The following TSN variants were observed in gnomAD, a reference collection of about 807,000 sequenced individuals.
The protein encoded by TSN is component 3 of promoter of RISC.
Under a neutral mutation model 29.4 loss-of-function variants are expected in TSN, and 5 were observed. The ratio of observed to expected loss-of-function variants is 0.17; its 90% CI spans 0.09 to 0.36. The LOEUF is 0.36. Among genes scored for constraint, TSN ranks in the 10% least tolerant of loss-of-function variants. TSN has a pLI of 1.00. For missense variants in TSN, 159 were observed against 272.8 expected, an observed-to-expected ratio of 0.58 and a Z score of 2.94; for synonymous variants, 106 against 102.2, an observed-to-expected ratio of 1.04 and a Z score of -0.23.
chr2:121,759,224 C>T (rs1204718090), intron 3 of TSN, among the ~76,000 whole-genome samples: 1 of 152,132 alleles, frequency 6.6e-6, no homozygotes, highest in Non-Finnish European at 1.5e-5. Flanking sequence ...ATATTTTATG[C>T]CATGTTTTCT....
Position 121,767,254 on chromosome 2 carries a change from CTTG to C in TSN, c.*1892_*1894del, listed in dbSNP as rs1433815251. ...ACTATTCAGTTGTGTTTGTTGCTGG[CTTG>C]TTGTAAAGCAATAAAATTTTTTTGG... is the stretch of plus-strand genomic sequence containing the variant. On this transcript the variant is annotated 3_prime_UTR_variant, in exon 6 of 6. Transcript: ENST00000389682. 3 of 152,116 alleles carry C rather than the reference CTTG, an allele frequency of 2.0e-5. No homozygotes were observed. Among genetic ancestry groups the C allele is most frequent in the African/African-American group, 7.2e-5 (3 of 41,416 alleles). 9.4% of individuals were successfully genotyped at this position (152,116 alleles called of 1,614,324 possible). A position where few individuals can be genotyped will look rare whatever the true frequency, so the allele number is the denominator to read the frequency against.
chr2:121,756,588 A>C (rs1040544192), intron 1 of TSN: 8 of 1,281,552 alleles, frequency 6.2e-6, no homozygotes, highest in Non-Finnish European at 8.2e-6. Flanking sequence ...CTCGCACATA[A>C]GTATGCTCAG....
intron 4 of TSN, 132 bp downstream of exon 4, chr2:121,761,656 A>G: frequency 1.4e-6 from 1 of 693,392 alleles, no homozygotes; most frequent in South Asian, 1.7e-5. Context: ...GTAGCTTGGT[A>G]TCTGAGGATG....
At position 121,766,837 on chromosome 2, in the gene TSN, G is replaced by A. The variant is rs868710182; in HGVS notation, c.*1470G>A. The A allele has an allele frequency of 6.6e-6, 1 of 152,152 alleles. No individual in the cohort carries two copies. The highest frequency in any genetic ancestry group is 2.4e-5 in the African/African-American group (1 of 41,430). The allele number at this position is 152,152 out of a possible 1,614,324, so 9.4% of individuals were successfully genotyped here. ...GCATACCTTTCACAGCTTTTATCAG[G>A]CCAAGTTAAAGGCTGACTACATTTT... On this transcript the variant is annotated 3_prime_UTR_variant, in exon 6 of 6. Coordinates refer to ENST00000389682, the MANE Select transcript of TSN (RefSeq NM_004622.3).
At chr2:121,759,753 A>T (rs999256111) in intron 3 of TSN, among the ~76,000 whole-genome samples, 3 of 152,230 alleles carry the variant, frequency 2.0e-5, no homozygotes, top group Non-Finnish European at 4.4e-5. Context: ...AGACGTATAT[A>T]TCAGCAGTAA....
chr2:121,756,770 A>T, intron 1 of TSN: 1 of 439,008 alleles, frequency 2.3e-6, no homozygotes. Flanking sequence ...TTAACTGGGC[A>T]TGGTTGCGCA....
In TSN at chr2:121,765,468, A is replaced by G. The variant is rs939828991; in HGVS notation, c.*101A>G. The G allele has an allele frequency of 5.7e-6, 6 of 1,056,726 alleles. No homozygotes were observed. The highest frequency in any genetic ancestry group is 4.8e-5 in the African/African-American group (3 of 62,932). The allele number at this position is 1,056,726 out of a possible 1,614,324, so 65.5% of individuals were successfully genotyped here. ...TAGTTAGGATGCTCAGTTGCTAAAC[A>G]CTGCGCTTTATTTTCTTAACCAGTT... On this transcript the variant is annotated 3_prime_UTR_variant, in exon 6 of 6. Transcript: ENST00000389682.
intron 5 of TSN, 150 bp from the exon 6 acceptor site, chr2:121,764,984 C>A: frequency 1.4e-6 from 1 of 710,338 alleles, no homozygotes; most frequent in Non-Finnish European, 2.4e-6. Context: ...TTCAGAGAAG[C>A]TCCTGTCTTG....
rs566760156 is a variant in TSN, at chr2:121,763,685, A to G, written c.453+601A>G. 2.6e-5 allele frequency among the ~76,000 whole-genome samples: 4 copies of G among 152,298 alleles called. No homozygotes were observed. The South Asian group carries it at 8.3e-4, about 32-fold the overall frequency. On this transcript the variant is annotated intron_variant, in intron 5 of 5. Transcript: ENST00000389682. Reference sequence around the variant, plus strand: ...ATTTATTCCTGGTAACTGTTAATCCATGTAATTGTTTTGGACACTCATTTG... The same window carrying G: ...ATTTATTCCTGGTAACTGTTAATCCGTGTAATTGTTTTGGACACTCATTTG...
At chr2:121,763,228 C>T (rs951939246) in intron 5 of TSN, 144 bp downstream of exon 5, 78 of 551,136 alleles carry the variant, frequency 1.4e-4, no homozygotes, top group Non-Finnish European at 2.0e-4. Context: ...CTGCAAGCTC[C>T]GCCTCCCGAG....
chr2:121,763,487 T>C (rs1306871583), intron 5 of TSN, among the ~76,000 whole-genome samples: 1 of 152,116 alleles, frequency 6.6e-6, no homozygotes, highest in Non-Finnish European at 1.5e-5. Flanking sequence ...CAGAACGTCT[T>C]AATTCTTTTC....
At chr2:121,764,786 G>C (rs2074880474) in intron 5 of TSN, among the ~76,000 whole-genome samples, 1 of 152,216 alleles carries the variant, frequency 6.6e-6, no homozygotes, top group African/African-American at 2.4e-5. Flanking sequence ...GGTTGGAAGA[G>C]GTAGTGGAGC....
At position 121,766,324 on chromosome 2, in the gene TSN, C is replaced by A. The variant is rs1558694494; in HGVS notation, c.*957C>A. 1.3e-5 allele frequency: 2 copies of A among 152,170 alleles called. No homozygotes were observed. Among genetic ancestry groups the A allele is most frequent in the Non-Finnish European group, 2.9e-5 (2 of 68,036 alleles). The allele number at this position is 152,170 out of a possible 1,614,324, so 9.4% of individuals were successfully genotyped here. ...AATAGTGAATTATAAATAAGTCAGG[C>A]CGGGCGTGGTGGCTCACACCTGTAA... On this transcript the variant is annotated 3_prime_UTR_variant, in exon 6 of 6. Transcript: ENST00000389682.
chr2:121,762,903 C>T (rs1430430217), intron 4 of TSN, 102 bp from the exon 5 acceptor site: 4 of 1,075,136 alleles, frequency 3.7e-6, no homozygotes, highest in Non-Finnish European at 5.2e-6. Context: ...TTAAAAGATT[C>T]ATCCTTTCTT....
chr2:121,756,602 A>G (rs1319513939), intron 1 of TSN: 13 of 1,296,908 alleles, frequency 1.0e-5, no homozygotes, highest in Non-Finnish European at 1.3e-5. Context: ...TGCTCAGTGA[A>G]TATTTTAAAA....
chr2:121,757,843 TTTA>T (rs1189741852), intron 2 of TSN, among the ~76,000 whole-genome samples: 1 of 151,892 alleles, frequency 6.6e-6, no homozygotes, highest in Non-Finnish European at 1.5e-5. Context: ...TTTTGGTATT[TTTA>T]TTAGAGATGG....
chr2:121,761,315 A>T, intron 3 of TSN, 94 bp from the exon 4 acceptor site: 1 of 786,690 alleles, frequency 1.3e-6, no homozygotes, highest in Admixed American at 2.2e-5. Context: ...TTGAAAAATG[A>T]TCGCATTTCT....
rs1573395049 is a variant in TSN, at chr2:121,767,569, C to A, written c.*2202C>A. 1 of 151,982 alleles carries A rather than the reference C, an allele frequency of 6.6e-6. No homozygotes were observed. Among genetic ancestry groups the A allele is most frequent in the African/African-American group, 2.4e-5 (1 of 41,380 alleles). The allele number at this position is 151,982 out of a possible 1,614,324, so 9.4% of individuals were successfully genotyped here. On this transcript the variant is annotated 3_prime_UTR_variant, in exon 6 of 6. Transcript: ENST00000389682. ...TTACTTTTTTCCAATTTTAGAAAAT[C>A]AAGCAGGTTAGAGAAAATAGAGATG... is the stretch of plus-strand genomic sequence containing the variant.
At position 121,766,375 on chromosome 2, in the gene TSN, A is replaced by AG. The variant is rs1437828206; in HGVS notation, c.*1013dup. 1 of 152,220 alleles carries AG rather than the reference A, an allele frequency of 6.6e-6. No individual in the cohort carries two copies. Among genetic ancestry groups the AG allele is most frequent in the Non-Finnish European group, 1.5e-5 (1 of 68,054 alleles). 9.4% of individuals were successfully genotyped at this position (152,220 alleles called of 1,614,324 possible). On this transcript the variant is annotated 3_prime_UTR_variant, in exon 6 of 6. Coordinates refer to ENST00000389682, the MANE Select transcript of TSN (RefSeq NM_004622.3). Reference sequence around the variant, plus strand: ...TCCCAGCACACTGGGAGGCCGAGGCAGGGGGACTGCTTGAGCTCAGGAGTT... The same window carrying AG: ...TCCCAGCACACTGGGAGGCCGAGGCAGGGGGGACTGCTTGAGCTCAGGAGTT...
Sources: gnomAD v4.1 joint callset for allele counts (sites outside exome capture counted in the v4.1 genomes callset) on GRCh38, gnomAD v4.1.1 for gene constraint, MANE v1.5 for transcripts, NCBI Gene and HGNC (gene_info 2026-07-23, HGNC 2026-07-21) for gene names.